The following SYT14 variants were observed in gnomAD, a reference collection of about 807,000 sequenced individuals.
The protein encoded by SYT14 is synaptotagmin-14.
Under a neutral mutation model 74.2 loss-of-function variants are expected in SYT14, and 32 were observed. The observed-to-expected ratio is 0.43, with a 90% CI of 0.33 to 0.58. The LOEUF is 0.58. Ranked by LOEUF, SYT14 falls within the 20% of genes least tolerant of loss-of-function variation. The probability of loss-of-function intolerance (pLI) is 0.05; values close to 1 mark genes in which losing one functional copy is unlikely to be tolerated. For missense variants in SYT14, 791 were observed against 981.8 expected (o/e 0.81, Z 2.60); for synonymous variants, 298 against 337.7 (o/e 0.88, Z 1.29).
chr1:210,154,768 T>A (rs2083235471), intron 7 of SYT14, among the ~76,000 whole-genome samples: 1 of 152,192 alleles, frequency 6.6e-6, no homozygotes, highest in South Asian at 2.1e-4. Flanking sequence ...TTCTAATCAA[T>A]CAAAAAACAT....
intron 5 of SYT14, among the ~76,000 whole-genome samples, chr1:210,068,101 A>G (rs1230546631): frequency 6.6e-6 from 1 of 151,904 alleles, no homozygotes; most frequent in Admixed American, 6.6e-5. Flanking sequence ...TTATTGAATT[A>G]AGGAAATTCC....
At chr1:210,005,640 G>C (rs1008562342) in intron 2 of SYT14, among the ~76,000 whole-genome samples, 6 of 151,912 alleles carry the variant, frequency 3.9e-5, no homozygotes, top group Non-Finnish European at 5.9e-5. Context: ...ATGCTTTGCT[G>C]TAGGGAGATT....
At chr1:210,152,137 T>C (rs2083177013) in intron 7 of SYT14, among the ~76,000 whole-genome samples, 1 of 152,196 alleles carries the variant, frequency 6.6e-6, no homozygotes, top group African/African-American at 2.4e-5. Context: ...AAAATTGTTT[T>C]CTCCAACTGT....
At chr1:210,154,713 C>T (rs2083234102) in intron 7 of SYT14, among the ~76,000 whole-genome samples, 1 of 151,842 alleles carries the variant, frequency 6.6e-6, no homozygotes, top group Non-Finnish European at 1.5e-5. Flanking sequence ...CTTTAATTTC[C>T]AAAAAATATA....
intron 5 of SYT14, among the ~76,000 whole-genome samples, chr1:210,089,224 G>A (rs2102508700): frequency 6.6e-6 from 1 of 152,228 alleles, no homozygotes; most frequent in East Asian, 1.9e-4. Context: ...CTTTTCTATG[G>A]CTGCATAGTA....
At chr1:210,032,230 G>A (rs931430008) in intron 5 of SYT14, among the ~76,000 whole-genome samples, 1 of 152,032 alleles carries the variant, frequency 6.6e-6, no homozygotes, top group South Asian at 2.1e-4. Context: ...TAACAGAATG[G>A]TATCAATGCA....
At chr1:210,140,588 A>G (rs1053949176) in intron 7 of SYT14, among the ~76,000 whole-genome samples, 6 of 152,040 alleles carry the variant, frequency 3.9e-5, no homozygotes, top group African/African-American at 7.2e-5. Flanking sequence ...CTAATATAAG[A>G]TAAAGATTTA....
At chr1:210,027,699 TCC>T (rs1297935255) in intron 5 of SYT14, among the ~76,000 whole-genome samples, 1 of 152,164 alleles carries the variant, frequency 6.6e-6, no homozygotes, top group African/African-American at 2.4e-5. Context: ...TGAACATCTC[TCC>T]TCTAAGGAAT....
At chr1:210,035,988 CT>C (rs1243687110) in intron 5 of SYT14, among the ~76,000 whole-genome samples, 3 of 151,938 alleles carry the variant, frequency 2.0e-5, no homozygotes, top group African/African-American at 7.2e-5. Context: ...CTATAGAACA[CT>C]TTGTGTAGTA....
chr1:210,147,698 A>G (rs11119421), intron 7 of SYT14, among the ~76,000 whole-genome samples: 38,257 of 152,084 alleles, frequency 0.25, 5,939 homozygotes, highest in East Asian at 0.42. Context: ...ACATAATACA[A>G]TAAGTATAGG....
At chr1:210,016,466 A>G in exon 4 of SYT14, 1 of 1,232,092 alleles carries the variant, frequency 8.1e-7, no homozygotes, top group Non-Finnish European at 1.0e-6. Flanking sequence ...GATATCAGTT[A>G]TCAGACAGAA....
rs140825023 is a variant in SYT14, at chr1:209,979,319, A to G, written c.-486+26563A>G. ...GCTCACACTGGGAGCTCTAGACTGG[A>G]GCTGTTCCTATTCGGCCATCTTGGC... On this transcript the variant is annotated intron_variant, in intron 2 of 9. Coordinates refer to ENST00000637265, the Ensembl canonical transcript of SYT14. Among the ~76,000 whole-genome samples the G allele has an allele frequency of 2.8e-3, 423 of 152,124 alleles. 2 individuals are homozygous for G. Among genetic ancestry groups the G allele is most frequent in the African/African-American group, 9.6e-3 (397 of 41,508 alleles).
intron 5 of SYT14, among the ~76,000 whole-genome samples, chr1:210,047,354 A>G (rs1216847037): frequency 6.6e-6 from 1 of 151,886 alleles, no homozygotes; most frequent in African/African-American, 2.4e-5. Context: ...GTTTTTTTTC[A>G]TTATTTATCC....
At chr1:209,967,706 G>A (rs141260116) in intron 2 of SYT14, among the ~76,000 whole-genome samples, 6 of 151,928 alleles carry the variant, frequency 3.9e-5, no homozygotes, top group African/African-American at 7.2e-5. Flanking sequence ...TTTTTTCACT[G>A]ATCATTATAG....
At chr1:210,071,516 A>C (rs930040264) in intron 5 of SYT14, among the ~76,000 whole-genome samples, 1 of 152,052 alleles carries the variant, frequency 6.6e-6, no homozygotes, top group African/African-American at 2.4e-5. Flanking sequence ...CTTAAAAAGC[A>C]GAATTGTATC....
chr1:210,000,504 T>A (rs886707211), intron 2 of SYT14, among the ~76,000 whole-genome samples: 23 of 125,156 alleles, frequency 1.8e-4, no homozygotes, highest in South Asian at 7.1e-4. Context: ...ACACACAATC[T>A]AAGAAAATGT....
chr1:210,106,155 G>C (rs2082154374), intron 7 of SYT14, among the ~76,000 whole-genome samples: 1 of 152,218 alleles, frequency 6.6e-6, no homozygotes, highest in Admixed American at 6.5e-5. Flanking sequence ...CAGACTCTGA[G>C]AGGGAGTTTA....
chr1:209,938,375 C>T, intron 1 of SYT14, 98 bp downstream of exon 1: 1 of 1,317,692 alleles, frequency 7.6e-7, no homozygotes, highest in Non-Finnish European at 1.0e-6. Flanking sequence ...ACGGGGCCGC[C>T]TCCTGTGGTC....
At chr1:209,945,489 A>G (rs1236243823) in intron 1 of SYT14, among the ~76,000 whole-genome samples, 1 of 152,192 alleles carries the variant, frequency 6.6e-6, no homozygotes, top group African/African-American at 2.4e-5. Flanking sequence ...TAGTAGTTTC[A>G]TGCTTACGAT....
Sources: allele counts gnomAD v4.1 joint callset (sites outside exome capture counted in the v4.1 genomes callset), GRCh38; gene constraint gnomAD v4.1.1; transcripts MANE v1.5; gene names NCBI Gene and HGNC (gene_info 2026-07-23, HGNC 2026-07-21).